Variants in FKBP5 observed in about 807,000 individuals in gnomAD.
FKBP5 encodes FKBP prolyl isomerase 5, also known as peptidyl-prolyl cis-trans isomerase FKBP5.
FKBP5 carries 23 observed loss-of-function variants against 50.5 expected under a neutral mutation model. The observed-to-expected ratio is 0.46, with a 90% confidence interval of 0.33 to 0.65. FKBP5 has a LOEUF of 0.65. Among genes scored for constraint, FKBP5 ranks in the 30% least tolerant of loss-of-function variants. The pLI, the probability that FKBP5 is intolerant of heterozygous loss-of-function variation, is 0.02. For missense variants in FKBP5, 411 were observed against 553.1 expected (o/e 0.74, Z 2.58); for synonymous variants, 176 against 190.6 (o/e 0.92, Z 0.63).
At chr6:35,581,706 A>C (rs1762438016) in intron 8 of FKBP5, 7 of 985,492 alleles carry the variant, frequency 7.1e-6, no homozygotes, top group Non-Finnish European at 8.4e-6. Context: ...ACGCAAATAG[A>C]AACAGGAGTA....
chr6:35,618,141 C>T (rs1256955103), intron 5 of FKBP5, among the ~76,000 whole-genome samples: 1 of 152,150 alleles, frequency 6.6e-6, no homozygotes, highest in Non-Finnish European at 1.5e-5. Flanking sequence ...ATTAACTTTT[C>T]TCATCTGGGG....
chr6:35,620,777 G>T (rs1480239217), intron 3 of FKBP5, among the ~76,000 whole-genome samples: 3 of 152,052 alleles, frequency 2.0e-5, no homozygotes, highest in South Asian at 4.1e-4. Flanking sequence ...CTGCTGAAAG[G>T]GATGAAAGTA....
At chr6:35,648,644 A>G (rs999406042) in intron 1 of FKBP5, among the ~76,000 whole-genome samples, 2 of 152,150 alleles carry the variant, frequency 1.3e-5, no homozygotes, top group East Asian at 3.8e-4. Context: ...AGTGTGCTCA[A>G]GAGATTTTTA....
At chr6:35,582,724 G>C in intron 8 of FKBP5, 1 of 984,632 alleles carries the variant, frequency 1.0e-6, no homozygotes, top group South Asian at 4.7e-5. Context: ...CTCCTTTTTT[G>C]GATGCTACAA....
chr6:35,646,144 A>AT (rs1391458127), intron 1 of FKBP5, among the ~76,000 whole-genome samples: 1 of 151,954 alleles, frequency 6.6e-6, no homozygotes, highest in Non-Finnish European at 1.5e-5. Flanking sequence ...AAAAAGAAAC[A>AT]TTTTCTTTTG....
chr6:35,691,310 C>T (rs987387617), upstream of FKBP5, among the ~76,000 whole-genome samples: 1 of 152,048 alleles, frequency 6.6e-6, no homozygotes, highest in Non-Finnish European at 1.5e-5. Context: ...AGGTGTTTGC[C>T]AGACAGAGGG....
intron 5 of FKBP5, among the ~76,000 whole-genome samples, chr6:35,612,645 T>G (rs554445571): frequency 6.6e-6 from 1 of 152,294 alleles, no homozygotes; most frequent in African/African-American, 2.4e-5. Flanking sequence ...CTCAGGAAAC[T>G]TACAATCATG....
At chr6:35,583,235 C>T (rs1762495379) in intron 8 of FKBP5, 15 of 985,450 alleles carry the variant, frequency 1.5e-5, no homozygotes, top group South Asian at 4.7e-5. Context: ...CTCTCTCCTC[C>T]TCCCTCTCTA....
intron 3 of FKBP5, among the ~76,000 whole-genome samples, chr6:35,621,909 G>A (rs759276530): frequency 3.9e-5 from 6 of 151,924 alleles, no homozygotes; most frequent in Middle Eastern, 3.4e-3. Flanking sequence ...AGTCCAGGAG[G>A]TCAAGGCTGC....
chr6:35,619,228 A>G lies in FKBP5; in HGVS notation c.394-18T>C. ...AGCTCAATCTAGAAAGAAAAAAGGA[A>G]TTCAGCTGAGAAAAGACCAAATAAA... On this transcript the variant is annotated intron_variant, in intron 4 of 10. Coordinates refer to ENST00000357266, the MANE Select transcript of FKBP5 (RefSeq NM_004117.4). 1 of 1,568,704 alleles carries G rather than the reference A, an allele frequency of 6.4e-7. No individual in the cohort carries two copies. The highest frequency in any genetic ancestry group is 8.8e-7 in the Non-Finnish European group (1 of 1,140,088).
intron 2 of FKBP5, among the ~76,000 whole-genome samples, chr6:35,719,156 A>T (rs1766562775): frequency 6.6e-6 from 1 of 152,106 alleles, no homozygotes; most frequent in Non-Finnish European, 1.5e-5. Flanking sequence ...TGATACCTTC[A>T]TTTTTTCCAG....
chr6:35,682,543 T>A lies in FKBP5; in HGVS notation c.-20+6261A>T, dbSNP rs543017975. ...CCTGCTTTTGATAATGAAATGACCATTTTCTGGGGACTCCTCATTTATAAC... is the reference window on the plus strand; with the variant it reads ...CCTGCTTTTGATAATGAAATGACCAATTTCTGGGGACTCCTCATTTATAAC... On this transcript the variant is annotated intron_variant, in intron 1 of 10. Transcript: ENST00000357266. Among the ~76,000 whole-genome samples, 7 of 152,298 alleles carry A rather than the reference T, an allele frequency of 4.6e-5. No homozygotes were observed. In the South Asian group the frequency reaches 1.4e-3, roughly 32 times the overall value.
chr6:35,624,730 A>C (rs1763944864), intron 3 of FKBP5, among the ~76,000 whole-genome samples: 1 of 152,152 alleles, frequency 6.6e-6, no homozygotes, highest in Admixed American at 6.6e-5. Context: ...CTGCTTTCTT[A>C]AACTCCCCAA....
In FKBP5 at chr6:35,579,326, T is replaced by A. The variant is rs545351379; in HGVS notation, c.1026+710A>T. Among the ~76,000 whole-genome samples, 16 of 152,314 alleles carry A rather than the reference T, an allele frequency of 1.1e-4. No individual in the cohort carries two copies. The South Asian group carries it at 2.7e-3, about 26-fold the overall frequency. On this transcript the variant is annotated intron_variant, in intron 9 of 10. Transcript: ENST00000357266. ...CAAAATAGTTGCCTTGCTTTTCTTA[T>A]CCTTTTATGTCTACCTTTAAGATAC... is the stretch of plus-strand genomic sequence containing the variant.
chr6:35,667,624 T>A (rs1434254310), intron 1 of FKBP5, among the ~76,000 whole-genome samples: 1 of 152,344 alleles, frequency 6.6e-6, no homozygotes, highest in African/African-American at 2.4e-5. Context: ...CTCATGCCTA[T>A]AATCCCAACA....
At chr6:35,589,129 T>TATATATATA (rs879865924) in intron 7 of FKBP5, among the ~76,000 whole-genome samples, 5 of 102,126 alleles carry the variant, frequency 4.9e-5, no homozygotes, top group African/African-American at 2.2e-4. Context: ...TATATATATA[T>TATATATATA]TTTTTTTTTT....
At chr6:35,605,912 C>G (rs1000043343) in intron 5 of FKBP5, among the ~76,000 whole-genome samples, 1 of 152,184 alleles carries the variant, frequency 6.6e-6, no homozygotes, top group Non-Finnish European at 1.5e-5. Context: ...TATACAAAAA[C>G]AAACTCAAGA....
intron 8 of FKBP5, chr6:35,586,504 C>G: frequency 1.0e-6 from 1 of 988,928 alleles, no homozygotes; most frequent in Non-Finnish European, 1.2e-6. Flanking sequence ...CAGTGGCTCA[C>G]GCCTGTAATC....
intron 1 of FKBP5, among the ~76,000 whole-genome samples, chr6:35,665,268 T>C (rs577488340): frequency 4.0e-5 from 6 of 151,798 alleles, no homozygotes; most frequent in African/African-American, 1.2e-4. Flanking sequence ...TCTGCTCCTT[T>C]AGAATGTCAC....
Sources: allele counts gnomAD v4.1 joint callset (sites outside exome capture counted in the v4.1 genomes callset), GRCh38; gene constraint gnomAD v4.1.1; transcripts MANE v1.5; gene names NCBI Gene and HGNC (gene_info 2026-07-23, HGNC 2026-07-21).